Variants in CDK12 observed in about 807,000 individuals in gnomAD.
CDK12 encodes the protein cyclin dependent kinase 12, also known as cyclin-dependent kinase 12.
A neutral mutation model predicts 133.8 loss-of-function variants in CDK12; 17 were observed. The observed-to-expected ratio is 0.13, with a 90% CI of 0.09 to 0.19. CDK12 has a LOEUF of 0.19. CDK12 is among the 10% of genes least tolerant of loss of function. The pLI, the probability that CDK12 is intolerant of heterozygous loss-of-function variation, is 1.00. For synonymous variants in CDK12, 694 were observed against 683.6 expected, an observed-to-expected ratio of 1.02 and a Z score of -0.24; for missense variants, 1,508 against 1,818.7, an observed-to-expected ratio of 0.83 and a Z score of 3.11.
intron 13 of CDK12, among the ~76,000 whole-genome samples, chr17:39,529,298 G>A (rs2054683544): frequency 6.6e-6 from 1 of 152,064 alleles, no homozygotes; most frequent in Admixed American, 6.6e-5. Context: ...TGCATGCTAA[G>A]GGAATACAAA....
At chr17:39,544,776 A>G (rs967971225), upstream of CDK12, among the ~76,000 whole-genome samples, 2 of 151,842 alleles carry the variant, frequency 1.3e-5, no homozygotes, top group Non-Finnish European at 2.9e-5. Context: ...GGTTACAGGC[A>G]TGCACCACCA....
chr17:39,496,969 C>T (rs1436469275), intron 5 of CDK12, among the ~76,000 whole-genome samples: 3 of 131,328 alleles, frequency 2.3e-5, no homozygotes, highest in African/African-American at 5.9e-5. Flanking sequence ...CTCACTCTGT[C>T]GCCCAGGCTC....
At chr17:39,515,347 C>G (rs187397708) in intron 8 of CDK12, among the ~76,000 whole-genome samples, 2 of 152,286 alleles carry the variant, frequency 1.3e-5, no homozygotes, top group Admixed American at 1.3e-4. Context: ...TGAATTCAAA[C>G]TTTATAGAAA....
intron 3 of CDK12, among the ~76,000 whole-genome samples, chr17:39,564,317 G>T (rs1002141491): frequency 1.3e-5 from 2 of 152,134 alleles, no homozygotes; most frequent in South Asian, 2.1e-4. Flanking sequence ...CCAAGAGGGG[G>T]TTACAGAGAA....
chr17:39,529,499 A>G (rs1396573463), intron 13 of CDK12, among the ~76,000 whole-genome samples: 1 of 152,196 alleles, frequency 6.6e-6, no homozygotes, highest in East Asian at 1.9e-4. Flanking sequence ...GGTCATTTGG[A>G]AGATATCCCA....
chr17:39,525,949 C>A lies in CDK12; in HGVS notation c.3393C>A (p.Ile1131=), dbSNP rs376340730. ...TGCAGAGCCAAACCGACCTGAGCAT[C>A]CCTCAAATGGCACAGCTGCTTAACA... ...NLLQSQTDLS[I]PQMAQLLNIH... Residue 1131 remains isoleucine (I), a synonymous_variant, in exon 13 of 14, where the codon ATC becomes ATA. Coordinates refer to ENST00000447079, the MANE Select transcript of CDK12 (RefSeq NM_016507.4). 1 of 1,614,164 alleles carries A rather than the reference C, an allele frequency of 6.2e-7. No homozygotes were observed.
intron 3 of CDK12, among the ~76,000 whole-genome samples, chr17:39,563,767 AAGGGAG>A (rs145892389): frequency 6.6e-6 from 1 of 150,530 alleles, no homozygotes; most frequent in African/African-American, 2.4e-5. Context: ...GCCGAGGAGG[AAGGGAG>A]AGGGAGAGTG....
chr17:39,514,304 C>G (rs571750974), intron 8 of CDK12, among the ~76,000 whole-genome samples: 149 of 152,278 alleles, frequency 9.8e-4, no homozygotes, highest in Non-Finnish European at 1.8e-3. Context: ...GGTCCAAATT[C>G]TAACAGAAAA....
intron 5 of CDK12, among the ~76,000 whole-genome samples, chr17:39,501,024 CTG>C (rs2052682017): frequency 6.6e-6 from 1 of 152,170 alleles, no homozygotes; most frequent in Non-Finnish European, 1.5e-5. Context: ...GCATCAGCCA[CTG>C]CGCCCAGCCA....
At chr17:39,512,445 A>G (rs1056284472) in intron 8 of CDK12, among the ~76,000 whole-genome samples, 1 of 152,204 alleles carries the variant, frequency 6.6e-6, no homozygotes, top group Admixed American at 6.5e-5. Context: ...CAGAGAGTAC[A>G]AGCAGTAAAT....
intron 13 of CDK12, among the ~76,000 whole-genome samples, chr17:39,529,506 C>T (rs2054697326): frequency 6.6e-6 from 1 of 151,964 alleles, no homozygotes; most frequent in Non-Finnish European, 1.5e-5. Flanking sequence ...TGGAAGATAT[C>T]CCAAAACATT....
At position 39,462,514 on chromosome 17, in the gene CDK12, C is replaced by T. The variant is rs957118817; in HGVS notation, c.443C>T (p.Ser148Leu). The T allele has an allele frequency of 6.2e-7, 1 of 1,613,958 alleles. No individual in the cohort carries two copies. Among genetic ancestry groups the T allele is most frequent in the Admixed American group, 1.7e-5 (1 of 59,960 alleles). The change falls in exon 1 of 14, where the codon TCG becomes TTG. Residue 148 changes from serine (S) to leucine (L), a missense_variant. This residue lies in a region of CDK12 where 460 missense variants were observed against 490.8 expected (regional missense o/e 0.94). Coordinates refer to ENST00000447079, the MANE Select transcript of CDK12 (RefSeq NM_016507.4). ...TCGGGATCGATGAAGGACCGGATAT[C>T]GGGAAGTTCAAAGCGTTCGAATGAG... is the stretch of plus-strand genomic sequence containing the variant. ...SKSGSMKDRISGSSKRSNEET... is the reference protein window; with the variant it reads ...SKSGSMKDRILGSSKRSNEET...
At chr17:39,510,967 G>A (rs1218099532) in intron 7 of CDK12, among the ~76,000 whole-genome samples, 4 of 135,220 alleles carry the variant, frequency 3.0e-5, no homozygotes, top group African/African-American at 8.1e-5. Flanking sequence ...CGTAATCCCA[G>A]CACTTTGGGA....
At position 39,509,891 on chromosome 17, in the gene CDK12, CTG is replaced by C. The variant is rs977256747; in HGVS notation, c.2666+133_2666+134del. 5.7e-6 allele frequency: 4 copies of C among 703,980 alleles called. No homozygotes were observed. In the African/African-American group the frequency reaches 7.1e-5, roughly 13 times the overall value. The allele number at this position is 703,980 out of a possible 1,614,324, so 43.6% of individuals were successfully genotyped here. A position where few individuals can be genotyped will look rare whatever the true frequency, so the allele number is the denominator to read the frequency against. ...TCTCAGCTCGCTGCAGCCTCAACCT[CTG>C]TGGGCTCAGGTGATTCTCCCACCTT... On this transcript the variant is annotated intron_variant, in intron 7 of 13. Coordinates refer to ENST00000447079, the MANE Select transcript of CDK12 (RefSeq NM_016507.4).
downstream of CDK12, among the ~76,000 whole-genome samples, chr17:39,537,544 T>TA (rs1567800945): frequency 1.4e-5 from 2 of 145,960 alleles, no homozygotes; most frequent in Non-Finnish European, 1.5e-5. Context: ...TAATTCCTTA[T>TA]TTTTATTTAT....
At chr17:39,567,086 A>G (rs2056597213), downstream of CDK12, 1 of 152,238 alleles carries the variant, frequency 6.6e-6, no homozygotes, top group Non-Finnish European at 1.5e-5. Context: ...CAGAGCACCA[A>G]CTGTGAACCA....
intron 7 of CDK12, among the ~76,000 whole-genome samples, chr17:39,511,293 C>T (rs888286441): frequency 6.6e-6 from 1 of 151,716 alleles, no homozygotes. Context: ...AATGATTCTC[C>T]CCTTTAGGCC....
At position 39,534,141 on chromosome 17, in the gene CDK12, A is replaced by G. The variant is rs925411992; in HGVS notation, c.*2825A>G. 141 of 232,856 alleles carry G rather than the reference A, an allele frequency of 6.1e-4. No individual in the cohort carries two copies. The highest frequency in any genetic ancestry group is 7.2e-4 in the East Asian group (12 of 16,602). 14.4% of individuals were successfully genotyped at this position (232,856 alleles called of 1,614,324 possible). ...CCCAGTTTCCTTAGTTTTTTCTTCAACTGTCCATAGGAACGATAAGTATTT... is the reference window on the plus strand; with the variant it reads ...CCCAGTTTCCTTAGTTTTTTCTTCAGCTGTCCATAGGAACGATAAGTATTT... On this transcript the variant is annotated 3_prime_UTR_variant, in exon 14 of 14. Transcript: ENST00000447079.
chr17:39,526,645 G>A (rs1036690648), intron 13 of CDK12, among the ~76,000 whole-genome samples: 1 of 152,150 alleles, frequency 6.6e-6, no homozygotes, highest in East Asian at 1.9e-4. Context: ...GTGTGTGGTG[G>A]CCAACTAGTC....
Sources: allele counts gnomAD v4.1 joint callset (sites outside exome capture counted in the v4.1 genomes callset), GRCh38; gene constraint gnomAD v4.1.1; regional missense constraint gnomAD v4.1.1; transcripts MANE v1.5; gene names NCBI Gene and HGNC (gene_info 2026-07-23, HGNC 2026-07-21).